LINGO2: variants seen among roughly 807,000 people sequenced by gnomAD.
The protein encoded by LINGO2 is leucine rich repeat and Ig domain containing 2.
Under a neutral mutation model 30.6 loss-of-function variants are expected in LINGO2, and 14 were observed. The ratio of observed to expected loss-of-function variants is 0.46; its 90% confidence interval spans 0.30 to 0.72. LINGO2 has a LOEUF of 0.72. LINGO2 is among the 30% of genes least tolerant of loss of function. The pLI is 0.07. For missense variants in LINGO2, 729 were observed against 751.7 expected, an observed-to-expected ratio of 0.97 and a Z score of 0.35; for synonymous variants, 317 against 288.5, an observed-to-expected ratio of 1.10 and a Z score of -1.00.
chr9:28,252,927 T>C (rs1473891524), intron 4 of LINGO2, among the ~76,000 whole-genome samples: 1 of 152,070 alleles, frequency 6.6e-6, no homozygotes, highest in Non-Finnish European at 1.5e-5. Context: ...ACAGTCTCAA[T>C]TTCTCTACAC....
chr9:28,939,109 T>C, the LINGO2 span, among the ~76,000 whole-genome samples: 7 of 152,146 alleles, frequency 4.6e-5, no homozygotes, highest in Non-Finnish European at 1.0e-4. Context: ...TGAGAACACA[T>C]ATAGTGCAAG....
the LINGO2 span, among the ~76,000 whole-genome samples, chr9:28,880,748 T>C: frequency 1.3e-5 from 2 of 152,142 alleles, no homozygotes; most frequent in African/African-American, 4.8e-5. Flanking sequence ...TGTCTTGGTA[T>C]AAAACCCGAT....
At chr9:28,776,398 T>C in the LINGO2 span, among the ~76,000 whole-genome samples, 1 of 152,140 alleles carries the variant, frequency 6.6e-6, no homozygotes, top group African/African-American at 2.4e-5. Flanking sequence ...ACTCTAGAAA[T>C]GGCCATTTAA....
At chr9:28,176,924 A>C (rs1474524672) in intron 4 of LINGO2, among the ~76,000 whole-genome samples, 1 of 152,214 alleles carries the variant, frequency 6.6e-6, no homozygotes, top group African/African-American at 2.4e-5. Context: ...TTCCTATACG[A>C]ACATGACTTA....
intron 1 of LINGO2, among the ~76,000 whole-genome samples, chr9:28,482,150 G>A (rs1304010947): frequency 3.3e-5 from 5 of 151,896 alleles, no homozygotes; most frequent in African/African-American, 9.7e-5. Context: ...GTAATGGGAT[G>A]GCTGGGTCAA....
chr9:28,525,997 A>C (rs970901036), intron 1 of LINGO2, among the ~76,000 whole-genome samples: 2 of 135,612 alleles, frequency 1.5e-5, no homozygotes, highest in Admixed American at 8.1e-5. Context: ...CAGAGCTTCC[A>C]GTGAGCCGAG....
chr9:29,025,549 T>C, the LINGO2 span, among the ~76,000 whole-genome samples: 3 of 151,874 alleles, frequency 2.0e-5, no homozygotes, highest in African/African-American at 7.3e-5. Flanking sequence ...TCATTTTTTT[T>C]CATTTAGAGG....
the LINGO2 span, among the ~76,000 whole-genome samples, chr9:28,714,972 G>T: frequency 1.3e-5 from 2 of 152,026 alleles, no homozygotes; most frequent in African/African-American, 2.4e-5. Flanking sequence ...TAATAATTTT[G>T]TTTAGTTTAA....
chr9:28,802,079 A>C, the LINGO2 span, among the ~76,000 whole-genome samples: 1 of 151,820 alleles, frequency 6.6e-6, no homozygotes, highest in Non-Finnish European at 1.5e-5. Context: ...GATTTTATGA[A>C]TGTTTATATG....
At chr9:28,718,660 A>G in the LINGO2 span, among the ~76,000 whole-genome samples, 51 of 152,160 alleles carry the variant, frequency 3.4e-4, no homozygotes, top group African/African-American at 1.1e-3. Flanking sequence ...TTCCTAGGCT[A>G]AAAGCCTACC....
the LINGO2 span, among the ~76,000 whole-genome samples, chr9:29,107,812 C>T: frequency 1.3e-5 from 2 of 151,768 alleles, no homozygotes; most frequent in South Asian, 4.2e-4. Context: ...GATGTTGCAT[C>T]AAATCTACTG....
the LINGO2 span, among the ~76,000 whole-genome samples, chr9:28,767,629 C>CA: frequency 6.6e-6 from 1 of 151,572 alleles, no homozygotes; most frequent in South Asian, 2.1e-4. Context: ...ACTAAAAATA[C>CA]AAAAAAATTA....
the LINGO2 span, among the ~76,000 whole-genome samples, chr9:29,189,745 T>C: frequency 6.6e-6 from 1 of 152,260 alleles, no homozygotes; most frequent in East Asian, 1.9e-4. Context: ...TGAACGAGAC[T>C]CCGTCTGCAA....
chr9:28,624,501 C>T (rs1355723219), intron 1 of LINGO2, among the ~76,000 whole-genome samples: 1 of 152,034 alleles, frequency 6.6e-6, no homozygotes, highest in Non-Finnish European at 1.5e-5. Flanking sequence ...GACATCCTTG[C>T]ATACCTTGAG....
the LINGO2 span, among the ~76,000 whole-genome samples, chr9:28,996,955 A>T: frequency 0.64 from 97,674 of 152,030 alleles, 32,176 homozygotes; most frequent in Non-Finnish European, 0.72. Context: ...GTTCTTTTAA[A>T]CGCTTTCTCT....
chr9:29,056,230 T>A, the LINGO2 span, among the ~76,000 whole-genome samples: 1 of 152,100 alleles, frequency 6.6e-6, no homozygotes, highest in East Asian at 1.9e-4. Context: ...AGTGTAAAAG[T>A]GTTCCCTTTT....
the LINGO2 span, among the ~76,000 whole-genome samples, chr9:29,101,223 G>A: frequency 1.3e-5 from 2 of 152,108 alleles, no homozygotes; most frequent in African/African-American, 2.4e-5. Flanking sequence ...TTATACCACC[G>A]TTAGTGGAAT....
intron 4 of LINGO2, among the ~76,000 whole-genome samples, chr9:28,162,321 G>T (rs1480203819): frequency 6.6e-6 from 1 of 152,052 alleles, no homozygotes; most frequent in Non-Finnish European, 1.5e-5. Context: ...TTACATAACT[G>T]TTAGTTCCCA....
At chr9:28,355,887 A>C (rs571642575) in intron 3 of LINGO2, among the ~76,000 whole-genome samples, 259 of 152,338 alleles carry the variant, frequency 1.7e-3, no homozygotes, top group African/African-American at 6.1e-3. Context: ...TGCTACACAA[A>C]TGTGCAAGAA....
Sources: allele counts gnomAD v4.1 joint callset (sites outside exome capture counted in the v4.1 genomes callset), GRCh38; gene constraint gnomAD v4.1.1; transcripts MANE v1.5; gene names NCBI Gene and HGNC (gene_info 2026-07-23, HGNC 2026-07-21).